The following DNER variants were observed in gnomAD, a reference collection of about 807,000 sequenced individuals.
DNER encodes the protein delta/notch like EGF repeat containing, also known as delta and Notch-like epidermal growth factor-related receptor.
In DNER, 33 loss-of-function variants were observed where a neutral mutation model predicts 78.2. The observed-to-expected ratio is 0.42, with a 90% confidence interval of 0.32 to 0.56. The LOEUF (loss-of-function observed/expected upper bound fraction) is 0.56, where lower values mean the gene tolerates loss of function less well. DNER is among the 20% of genes least tolerant of loss of function. DNER has a pLI of 0.11. For missense variants in DNER, 918 were observed against 975.3 expected (o/e 0.94, Z 0.78); for synonymous variants, 417 against 384.8 (o/e 1.08, Z -0.98).
intron 7 of DNER, among the ~76,000 whole-genome samples, chr2:229,455,116 T>C (rs1335980109): frequency 6.6e-6 from 1 of 152,112 alleles, no homozygotes; most frequent in Non-Finnish European, 1.5e-5. Context: ...CATTTCCTTC[T>C]ATCAGCTAAG....
At chr2:229,363,221 C>T (rs1374609249) in intron 12 of DNER, among the ~76,000 whole-genome samples, 1 of 152,194 alleles carries the variant, frequency 6.6e-6, no homozygotes, top group East Asian at 1.9e-4. Flanking sequence ...TTACAACCAA[C>T]AGACTCTGAC....
At chr2:229,640,318 G>A (rs114599155) in intron 1 of DNER, among the ~76,000 whole-genome samples, 1,963 of 152,318 alleles carry the variant, frequency 0.013, 9 homozygotes, top group Non-Finnish European at 0.022. Flanking sequence ...TCCCACTCAC[G>A]AAGTCATAGC....
chr2:229,439,777 C>T (rs181648682), intron 8 of DNER, among the ~76,000 whole-genome samples: 298 of 152,322 alleles, frequency 2.0e-3, no homozygotes, highest in Non-Finnish European at 3.5e-3. Context: ...GGCTGCAAAA[C>T]GAGCTGTCCT....
chr2:229,447,627 C>A (rs567580798), intron 7 of DNER, 87 bp from the exon 8 acceptor site: 2 of 1,336,064 alleles, frequency 1.5e-6, no homozygotes, highest in African/African-American at 1.5e-5. Flanking sequence ...ACTGTATATG[C>A]ATAACAATTA....
chr2:229,618,538 G>A (rs1287406445), intron 1 of DNER, among the ~76,000 whole-genome samples: 1 of 152,154 alleles, frequency 6.6e-6, no homozygotes, highest in Non-Finnish European at 1.5e-5. Context: ...AGCTCGCCAC[G>A]CATCAGCCTC....
chr2:229,485,388 C>T (rs1350505534), intron 6 of DNER, among the ~76,000 whole-genome samples: 1 of 152,166 alleles, frequency 6.6e-6, no homozygotes, highest in Non-Finnish European at 1.5e-5. Context: ...TCCATTTCAT[C>T]AGTGGGTGTT....
chr2:229,579,499 C>A (rs1317805408), intron 4 of DNER, among the ~76,000 whole-genome samples: 1 of 152,124 alleles, frequency 6.6e-6, no homozygotes, highest in Admixed American at 6.6e-5. Context: ...ACTGGGTGAG[C>A]GGAGAATGCT....
rs1189880826 is a variant in DNER at position 229,407,215 on chromosome 2, T to C, written c.1723+17A>G. 2 of 1,593,256 alleles carry C rather than the reference T, an allele frequency of 1.3e-6. No individual in the cohort carries two copies. The highest frequency in any genetic ancestry group is 1.7e-5 in the Admixed American group (1 of 58,868). The stretch of plus-strand genomic sequence containing the variant: ...CTTTGTGGTAAATTTGAAAACTCAG[T>C]CCCTGGAATCACTTGCCTGTAAACC... On this transcript the variant is annotated intron_variant, in intron 10 of 12. Transcript: ENST00000341772.
At chr2:229,708,790 G>A (rs1699866656) in intron 1 of DNER, among the ~76,000 whole-genome samples, 1 of 152,212 alleles carries the variant, frequency 6.6e-6, no homozygotes, top group South Asian at 2.1e-4. Flanking sequence ...TGAGAAGAGT[G>A]ATGCCTCCTA....
At chr2:229,451,278 G>T (rs548484410) in intron 7 of DNER, among the ~76,000 whole-genome samples, 1 of 152,272 alleles carries the variant, frequency 6.6e-6, no homozygotes, top group African/African-American at 2.4e-5. Context: ...CCAACGTGGT[G>T]AAATCCCGTC....
At chr2:229,565,174 G>A (rs1697080898) in intron 4 of DNER, among the ~76,000 whole-genome samples, 1 of 152,190 alleles carries the variant, frequency 6.6e-6, no homozygotes, top group African/African-American at 2.4e-5. Context: ...TTAGAAGTCT[G>A]AGGAAGAGGC....
intron 8 of DNER, among the ~76,000 whole-genome samples, chr2:229,420,795 T>C (rs761298055): frequency 4.6e-5 from 7 of 152,130 alleles, no homozygotes; most frequent in East Asian, 1.9e-4. Context: ...TTTGAAGAAA[T>C]TGGAACCTTT....
chr2:229,549,017 T>C (rs970036394), intron 4 of DNER, among the ~76,000 whole-genome samples: 1 of 152,194 alleles, frequency 6.6e-6, no homozygotes, highest in Non-Finnish European at 1.5e-5. Flanking sequence ...GAGAATTTTT[T>C]TGGCAAACTG....
intron 1 of DNER, among the ~76,000 whole-genome samples, 166 bp downstream of exon 1, chr2:229,713,982 C>A (rs1277555573): frequency 6.6e-6 from 1 of 152,134 alleles, no homozygotes; most frequent in Non-Finnish European, 1.5e-5. Context: ...AGGGTCGGCC[C>A]GGGGGTCCGC....
intron 7 of DNER, 21 bp from the exon 8 acceptor site, chr2:229,447,561 G>A (rs1443110190): frequency 1.2e-6 from 2 of 1,607,076 alleles, no homozygotes; most frequent in Non-Finnish European, 1.7e-6. Context: ...ACACATGAGA[G>A]CTTAAAAAAA....
At chr2:229,374,548 G>A (rs1277710978) in intron 11 of DNER, among the ~76,000 whole-genome samples, 2 of 152,282 alleles carry the variant, frequency 1.3e-5, no homozygotes, top group East Asian at 1.9e-4. Flanking sequence ...GTGTTAAGGC[G>A]TTAACTCACC....
intron 6 of DNER, among the ~76,000 whole-genome samples, chr2:229,508,481 GCATGCATGATACCATAACATGAAT>G (rs1695788727): frequency 6.6e-6 from 1 of 152,076 alleles, no homozygotes; most frequent in Non-Finnish European, 1.5e-5. Flanking sequence ...CCAGAGAATT[GCATGCATGATACCATAACATGAAT>G]CATGCATGAT....
At chr2:229,622,719 G>A (rs1264205351) in intron 1 of DNER, among the ~76,000 whole-genome samples, 1 of 152,148 alleles carries the variant, frequency 6.6e-6, no homozygotes, top group Non-Finnish European at 1.5e-5. Context: ...TGCATGACTG[G>A]CTTCCTTATA....
intron 6 of DNER, among the ~76,000 whole-genome samples, chr2:229,490,814 C>T (rs1446567245): frequency 2.0e-5 from 3 of 152,192 alleles, no homozygotes; most frequent in African/African-American, 7.2e-5. Context: ...CACCTCAGCA[C>T]ACCAGGAAGT....
Sources: allele counts gnomAD v4.1 joint callset (sites outside exome capture counted in the v4.1 genomes callset), GRCh38; gene constraint gnomAD v4.1.1; transcripts MANE v1.5; gene names NCBI Gene and HGNC (gene_info 2026-07-23, HGNC 2026-07-21).